TRAPPC10: variants seen among roughly 807,000 people sequenced by gnomAD.
TRAPPC10 encodes trafficking protein particle complex subunit 10, also known as TRAPP 130 kDa subunit.
A neutral mutation model predicts 125.5 loss-of-function variants in TRAPPC10; 23 were observed. That is an observed-to-expected ratio of 0.18 (90% CI 0.13 to 0.26). The LOEUF (loss-of-function observed/expected upper bound fraction) is 0.26. Ranked by LOEUF, TRAPPC10 falls within the 10% of genes least tolerant of loss-of-function variation. The pLI, the probability that TRAPPC10 is intolerant of heterozygous loss-of-function variation, is 1.00. For synonymous variants in TRAPPC10, 509 were observed against 518.0 expected, an observed-to-expected ratio of 0.98 and a Z score of 0.24; for missense variants, 1,123 against 1,308.4, an observed-to-expected ratio of 0.86 and a Z score of 2.19.
At chr21:44,079,141 A>G (rs1470337610) in intron 11 of TRAPPC10, among the ~76,000 whole-genome samples, 1 of 151,996 alleles carries the variant, frequency 6.6e-6, no homozygotes, top group Admixed American at 6.6e-5. Flanking sequence ...GTAGACCCAT[A>G]CTTGGACTTC....
intron 17 of TRAPPC10, 170 bp downstream of exon 17, chr21:44,088,098 A>C: frequency 1.6e-6 from 1 of 640,640 alleles, no homozygotes; most frequent in South Asian, 2.0e-5. Flanking sequence ...TTTCTTAGAT[A>C]AGGGGTGCAT....
intron 3 of TRAPPC10, among the ~76,000 whole-genome samples, chr21:44,040,001 A>G (rs889339538): frequency 6.6e-6 from 1 of 152,258 alleles, no homozygotes; most frequent in African/African-American, 2.4e-5. Flanking sequence ...TACAACGTGC[A>G]TAAGATAGTT....
chr21:44,015,811 A>G (rs2031772608), intron 1 of TRAPPC10, among the ~76,000 whole-genome samples: 1 of 151,928 alleles, frequency 6.6e-6, no homozygotes, highest in Admixed American at 6.6e-5. Context: ...ACACAGTTTC[A>G]CCTTGTTGGC....
intron 3 of TRAPPC10, among the ~76,000 whole-genome samples, chr21:44,050,719 T>G (rs748080139): frequency 2.0e-5 from 3 of 152,242 alleles, no homozygotes; most frequent in East Asian, 1.9e-4. Flanking sequence ...TGCAGGAAAT[T>G]GAGTTTACCA....
At chr21:44,090,703 G>A (rs201059612) in intron 18 of TRAPPC10, among the ~76,000 whole-genome samples, 2 of 152,258 alleles carry the variant, frequency 1.3e-5, no homozygotes, top group East Asian at 1.9e-4. Context: ...CAATGGGCTC[G>A]GGATGCTAGC....
At chr21:44,032,975 T>C (rs2033706931) in intron 2 of TRAPPC10, among the ~76,000 whole-genome samples, 1 of 152,208 alleles carries the variant, frequency 6.6e-6, no homozygotes, top group African/African-American at 2.4e-5. Context: ...GGAGCGAGGT[T>C]AGATCAGCCA....
intron 2 of TRAPPC10, 133 bp from the exon 3 acceptor site, chr21:44,037,659 G>T (rs904307216): frequency 1.0e-6 from 1 of 990,754 alleles, no homozygotes; most frequent in Non-Finnish European, 1.5e-6. Context: ...GCAGAATAGC[G>T]TAGTTATGAT....
At chr21:44,060,886 C>A in intron 6 of TRAPPC10, among the ~76,000 whole-genome samples, 1 of 150,168 alleles carries the variant, frequency 6.7e-6, no homozygotes, top group East Asian at 2.0e-4. Flanking sequence ...TAGTTGTGAG[C>A]CACCATGCCC....
chr21:44,016,719 T>C lies in TRAPPC10; in HGVS notation c.67+4159T>C, dbSNP rs571995123. 8.0e-4 allele frequency among the ~76,000 whole-genome samples: 122 copies of C among 152,294 alleles called. No homozygotes were observed. In the South Asian group the frequency reaches 0.013, roughly 16 times the overall value. On this transcript the variant is annotated intron_variant, in intron 1 of 22. Coordinates refer to ENST00000291574, the MANE Select transcript of TRAPPC10 (RefSeq NM_003274.5). ...TGTTGCCCAGGCTGGAGTGCAGTGG[T>C]GTGATCTTGGCTAACTGCAAGCTCC...
intron 3 of TRAPPC10, chr21:44,046,834 T>G (rs1167160095): frequency 1.5e-6 from 1 of 650,934 alleles, no homozygotes; most frequent in Non-Finnish European, 2.9e-6. Context: ...ATGCATTTCC[T>G]GCCAGTTCAA....
chr21:44,083,369 T>C, intron 14 of TRAPPC10, 67 bp downstream of exon 14: 2 of 1,532,684 alleles, frequency 1.3e-6, no homozygotes, highest in East Asian at 2.3e-5. Context: ...TTACAAGAAC[T>C]GTCTGGAGTG....
At chr21:44,033,319 G>C (rs917899882) in intron 2 of TRAPPC10, among the ~76,000 whole-genome samples, 3 of 152,116 alleles carry the variant, frequency 2.0e-5, no homozygotes, top group Non-Finnish European at 4.4e-5. Context: ...GACTTACCCA[G>C]GTGAATATAG....
intron 20 of TRAPPC10, among the ~76,000 whole-genome samples, chr21:44,094,971 G>T (rs1203650782): frequency 6.7e-6 from 1 of 149,736 alleles, no homozygotes; most frequent in Non-Finnish European, 1.5e-5. Flanking sequence ...AAATTTAAAT[G>T]AATAAATAAA....
chr21:44,032,379 CTTT>C (rs1200011844), intron 2 of TRAPPC10, among the ~76,000 whole-genome samples: 1 of 108,468 alleles, frequency 9.2e-6, no homozygotes, highest in African/African-American at 3.6e-5. Flanking sequence ...CCATGGTTTT[CTTT>C]TTTTTTTTTT....
At position 44,030,332 on chromosome 21, in the gene TRAPPC10, A is replaced by T. The variant is rs1488218963; in HGVS notation, c.68-1759A>T. ...ATTCCATTTAGTTGGCTTACTTTCC[A>T]CTTAGCAAAGAGTAATGATTTTTAT... On this transcript the variant is annotated intron_variant, in intron 1 of 22. Coordinates refer to ENST00000291574, the MANE Select transcript of TRAPPC10 (RefSeq NM_003274.5). Among the ~76,000 whole-genome samples the T allele has an allele frequency of 2.0e-5, 3 of 152,156 alleles. No individual in the cohort carries two copies. The East Asian group carries it at 5.8e-4, about 29-fold the overall frequency.
Position 44,087,204 on chromosome 21 carries a change from G to A in TRAPPC10, c.2539+244G>A, listed in dbSNP as rs1316925103. Among the ~76,000 whole-genome samples, 1 of 152,212 alleles carries A rather than the reference G, an allele frequency of 6.6e-6. No homozygotes were observed. Among genetic ancestry groups the A allele is most frequent in the Non-Finnish European group, 1.5e-5 (1 of 68,040 alleles). On this transcript the variant is annotated intron_variant, in intron 16 of 22. Coordinates refer to ENST00000291574, the MANE Select transcript of TRAPPC10 (RefSeq NM_003274.5). The surrounding 1 kb of genome is among the most constrained non-coding windows in gnomAD (Gnocchi z 4.6). ...CTTGTCTGGCTGAGGATTAGGAGAT[G>A]GGGGTCACGGCTGGGGTCACGTTCC...
At chr21:44,081,453 C>T (rs567668299) in intron 13 of TRAPPC10, among the ~76,000 whole-genome samples, 1 of 152,088 alleles carries the variant, frequency 6.6e-6, no homozygotes, top group African/African-American at 2.4e-5. Flanking sequence ...GCCACCATGC[C>T]TGGCCACCAC....
At chr21:44,040,658 GGCTGGAGT>G (rs1438918317) in intron 3 of TRAPPC10, among the ~76,000 whole-genome samples, 1 of 151,848 alleles carries the variant, frequency 6.6e-6, no homozygotes, top group African/African-American at 2.4e-5. Flanking sequence ...CTGTCACCCA[GGCTGGAGT>G]GCTGGAGTGC....
chr21:44,029,347 G>A (rs1331919667), intron 1 of TRAPPC10, among the ~76,000 whole-genome samples: 2 of 152,128 alleles, frequency 1.3e-5, no homozygotes, highest in Non-Finnish European at 2.9e-5. Context: ...ACCCACCTCG[G>A]CCTCCCAATC....
Sources: allele counts gnomAD v4.1 joint callset (sites outside exome capture counted in the v4.1 genomes callset), GRCh38; gene constraint gnomAD v4.1.1; non-coding constraint Gnocchi (gnomAD v3.1); transcripts MANE v1.5; gene names NCBI Gene and HGNC (gene_info 2026-07-23, HGNC 2026-07-21).